METTL15: variants seen among roughly 807,000 people sequenced by gnomAD.
METTL15 encodes the protein methyltransferase 15, mitochondrial 12S rRNA N4-cytidine, also known as 12S rRNA N(4)-cytidine methyltransferase METTL15.
METTL15 carries 34 observed loss-of-function variants against 38.3 expected under a neutral mutation model. That is an observed-to-expected ratio of 0.89 (90% CI 0.68 to 1.18). The LOEUF is 1.18. Among genes scored for constraint, METTL15 ranks in the 50% most tolerant of loss-of-function variants. The probability of loss-of-function intolerance (pLI) is 0.00; values close to 1 mark genes in which losing one functional copy is unlikely to be tolerated. For synonymous variants in METTL15, 162 were observed against 170.9 expected (o/e 0.95, Z 0.41); for missense variants, 438 against 498.4 (o/e 0.88, Z 1.15).
chr11:28,422,695 T>C (rs1018314515), intron 5 of METTL15, among the ~76,000 whole-genome samples: 1 of 151,898 alleles, frequency 6.6e-6, no homozygotes, highest in Non-Finnish European at 1.5e-5. Context: ...AAAAATAAAA[T>C]CAAAAGGGAT....
intron 4 of METTL15, among the ~76,000 whole-genome samples, chr11:28,353,931 C>CAAA (rs374097845): frequency 2.2e-4 from 10 of 46,168 alleles, no homozygotes; most frequent in Non-Finnish European, 2.6e-4. Flanking sequence ...GACTCCGTCT[C>CAAA]AAAAAAAAAA....
intron 6 of METTL15, among the ~76,000 whole-genome samples, chr11:28,484,827 G>A (rs996978841): frequency 4.6e-5 from 7 of 151,196 alleles, no homozygotes; most frequent in Non-Finnish European, 8.9e-5. Context: ...TTTCCTGAAG[G>A]TAATTGGCAA....
At chr11:28,134,159 G>A (rs1424890501) in intron 3 of METTL15, among the ~76,000 whole-genome samples, 1 of 152,124 alleles carries the variant, frequency 6.6e-6, no homozygotes, top group African/African-American at 2.4e-5. Context: ...CCATGTTCTT[G>A]TCTCATGACC....
At chr11:28,305,758 A>G (rs1857062803) in intron 6 of METTL15, among the ~76,000 whole-genome samples, 1 of 152,098 alleles carries the variant, frequency 6.6e-6, no homozygotes, top group African/African-American at 2.4e-5. Flanking sequence ...AAAAAGAGAA[A>G]TTTATTTTTG....
chr11:28,207,521 T>C (rs1005660463), intron 3 of METTL15, among the ~76,000 whole-genome samples: 3 of 152,202 alleles, frequency 2.0e-5, no homozygotes, highest in Admixed American at 6.5e-5. Context: ...CAGTATTTTA[T>C]TGAGGATTTT....
At chr11:28,478,591 A>G (rs538036475) in intron 6 of METTL15, among the ~76,000 whole-genome samples, 2 of 152,104 alleles carry the variant, frequency 1.3e-5, no homozygotes, top group Non-Finnish European at 2.9e-5. Context: ...CAGATTTGGT[A>G]TCCCCGCTTT....
chr11:28,351,892 C>G (rs1850044656), intron 3 of METTL15, among the ~76,000 whole-genome samples: 1 of 152,184 alleles, frequency 6.6e-6, no homozygotes, highest in Non-Finnish European at 1.5e-5. Context: ...AGGAGGTTCA[C>G]TTTGCCTGAA....
chr11:28,131,965 T>TA, intron 3 of METTL15, among the ~76,000 whole-genome samples: 1 of 152,240 alleles, frequency 6.6e-6, no homozygotes, highest in East Asian at 1.9e-4. Context: ...TTAGAGTGAT[T>TA]AAAAAAATGA....
chr11:28,441,768 A>T (rs893318322), intron 6 of METTL15, among the ~76,000 whole-genome samples: 1 of 152,194 alleles, frequency 6.6e-6, no homozygotes, highest in African/African-American at 2.4e-5. Context: ...CTTCAATGGC[A>T]TTCATTTTTC....
intron 4 of METTL15, among the ~76,000 whole-genome samples, chr11:28,250,084 T>A (rs6484362): frequency 1 from 151,858 of 152,244 alleles, 75,737 homozygotes; most frequent in Non-Finnish European, 1. Context: ...ATAGTATTCC[T>A]TGGTCTATAT....
At chr11:28,136,704 A>G (rs1030112839) in intron 3 of METTL15, among the ~76,000 whole-genome samples, 3 of 152,160 alleles carry the variant, frequency 2.0e-5, no homozygotes, top group Non-Finnish European at 2.9e-5. Context: ...AAACATGTCA[A>G]ATAATCCTGT....
intron 5 of METTL15, chr11:28,399,050 C>T (rs1025922049): frequency 1.3e-5 from 2 of 151,726 alleles, no homozygotes; most frequent in Non-Finnish European, 2.9e-5. Context: ...TTCAAACTAT[C>T]CTACAAGGCT....
intron 3 of METTL15, among the ~76,000 whole-genome samples, chr11:28,159,006 C>T (rs1487361022): frequency 6.6e-6 from 1 of 152,148 alleles, no homozygotes; most frequent in Admixed American, 6.5e-5. Context: ...AGTGGCACCA[C>T]TTACCATCAA....
At chr11:28,346,678 A>G (rs915219151) in intron 3 of METTL15, among the ~76,000 whole-genome samples, 1 of 152,210 alleles carries the variant, frequency 6.6e-6, no homozygotes, top group Non-Finnish European at 1.5e-5. Flanking sequence ...AAAATACTTT[A>G]CAACAATAAC....
At chr11:28,310,908 CTGCTGCTGGTGGTGGTGG>C (rs1343781765) in intron 6 of METTL15, among the ~76,000 whole-genome samples, 12 of 85,310 alleles carry the variant, frequency 1.4e-4, no homozygotes, top group African/African-American at 1.8e-4. Context: ...GCTGCTGCTG[CTGCTGCTGGTGGTGGTGG>C]TGGTGGTGGT....
intron 6 of METTL15, among the ~76,000 whole-genome samples, chr11:28,498,473 T>A (rs1033610180): frequency 2.0e-5 from 3 of 152,162 alleles, no homozygotes; most frequent in Non-Finnish European, 4.4e-5. Flanking sequence ...ATTCTTATAC[T>A]CAGGGATCTA....
chr11:28,381,394 A>T (rs1025955217), intron 5 of METTL15, among the ~76,000 whole-genome samples: 4 of 152,006 alleles, frequency 2.6e-5, no homozygotes, highest in Non-Finnish European at 4.4e-5. Context: ...CTGGATATTT[A>T]TCTCTTTTGC....
At chr11:28,329,933 T>TA (rs1329947001) in intron 6 of METTL15, among the ~76,000 whole-genome samples, 1 of 152,168 alleles carries the variant, frequency 6.6e-6, no homozygotes, top group African/African-American at 2.4e-5. Flanking sequence ...AATTAGCTGT[T>TA]AATAATATTT....
intron 4 of METTL15, among the ~76,000 whole-genome samples, chr11:28,235,564 A>G (rs1375845694): frequency 6.6e-6 from 1 of 152,090 alleles, no homozygotes; most frequent in Non-Finnish European, 1.5e-5. Flanking sequence ...TTCTCTTTGA[A>G]GCAATTGTGA....
Sources: allele counts gnomAD v4.1 joint callset (sites outside exome capture counted in the v4.1 genomes callset), GRCh38; gene constraint gnomAD v4.1.1; transcripts MANE v1.5; gene names NCBI Gene and HGNC (gene_info 2026-07-23, HGNC 2026-07-21).